The following TMEM175 variants were observed in gnomAD, a reference collection of about 807,000 sequenced individuals.
TMEM175 encodes the protein endosomal/lysosomal proton channel TMEM175.
A neutral mutation model predicts 36.5 loss-of-function variants in TMEM175; 36 were observed. That is an observed-to-expected ratio of 0.99 (90% CI 0.76 to 1.30). The LOEUF (loss-of-function observed/expected upper bound fraction) is 1.30. TMEM175 is among the 50% of genes most tolerant of loss of function. The pLI, the probability that TMEM175 is intolerant of heterozygous loss-of-function variation, is 0.00. For missense variants in TMEM175, 705 were observed against 692.8 expected, an observed-to-expected ratio of 1.02 and a Z score of -0.20; for synonymous variants, 339 against 313.4, an observed-to-expected ratio of 1.08 and a Z score of -0.86.
intron 1 of TMEM175, among the ~76,000 whole-genome samples, chr4:934,822 C>T (rs1020590298): frequency 1.3e-5 from 2 of 152,146 alleles, no homozygotes; most frequent in African/African-American, 4.8e-5. Flanking sequence ...AGGGGAATGA[C>T]ATCAAGAGCA....
At chr4:943,736 G>T (rs1727799818) in intron 1 of TMEM175, among the ~76,000 whole-genome samples, 1 of 152,178 alleles carries the variant, frequency 6.6e-6, no homozygotes, top group Non-Finnish European at 1.5e-5. Flanking sequence ...TTACCCAAAA[G>T]TCATGAAAAC....
chr4:950,357 C>T, intron 3 of TMEM175, 64 bp from the exon 4 acceptor site: 3 of 1,351,482 alleles, frequency 2.2e-6, no homozygotes, highest in Non-Finnish European at 3.2e-6. Context: ...ACGGTGCTGT[C>T]TCGACTGCCA....
In TMEM175 at chr4:947,688, C is replaced by G. The variant is rs1577412781; in HGVS notation, c.-31-21C>G. 7.0e-6 allele frequency: 11 copies of G among 1,560,782 alleles called. No individual in the cohort carries two copies. In the East Asian group the frequency reaches 2.5e-4, roughly 35 times the overall value. On this transcript the variant is annotated intron_variant, in intron 1 of 10. Coordinates refer to ENST00000264771, the MANE Select transcript of TMEM175 (RefSeq NM_032326.4). ...TCCAGGAGCGCCCCACAGGCACACT[C>G]AGACCTGCCTTTCCTCCCAGGCTCC...
At chr4:955,005 C>T (rs551165807) in intron 8 of TMEM175, among the ~76,000 whole-genome samples, 93 of 152,216 alleles carry the variant, frequency 6.1e-4, no homozygotes, top group African/African-American at 2.1e-3. Flanking sequence ...TTTTAAGACA[C>T]GGTCTTGCTC....
At chr4:954,788 C>G (rs1729404765) in intron 8 of TMEM175, among the ~76,000 whole-genome samples, 4 of 152,340 alleles carry the variant, frequency 2.6e-5, no homozygotes, top group African/African-American at 9.6e-5. Context: ...TCCAGTTTGT[C>G]CACATCCTCA....
chr4:951,081 T>C (rs961144409), intron 4 of TMEM175, 126 bp from the exon 5 acceptor site: 97 of 966,470 alleles, frequency 1.0e-4, no homozygotes, highest in African/African-American at 6.2e-4. Flanking sequence ...TAGGTAGTAG[T>C]TTATATTTGG....
intron 1 of TMEM175, among the ~76,000 whole-genome samples, chr4:935,167 T>C (rs755021244): frequency 6.6e-6 from 1 of 152,206 alleles, no homozygotes; most frequent in Non-Finnish European, 1.5e-5. Context: ...TTCTAAACCT[T>C]GTAATCACTT....
At chr4:952,876 C>G (rs1332573673) in intron 7 of TMEM175, among the ~76,000 whole-genome samples, 1 of 152,020 alleles carries the variant, frequency 6.6e-6, no homozygotes, top group Non-Finnish European at 1.5e-5. Flanking sequence ...TGCCCAGAGT[C>G]CCCGCTTTCT....
At position 932,474 on chromosome 4, in the gene TMEM175, C is replaced by T; in HGVS notation, c.-98C>T. ...GGGCTTGCGATGAACTTCCGGCTGT[C>T]AAGCTCCCGGCCGGGCTGACTCAAG... On this transcript the variant is annotated 5_prime_UTR_variant, in exon 1 of 11. Transcript: ENST00000264771. This position sits in a 1 kb window ranked among gnomAD's most constrained non-coding sequence, Gnocchi z 4.0. 1 of 491,836 alleles carries T rather than the reference C, an allele frequency of 2.0e-6. No homozygotes were observed. Among genetic ancestry groups the T allele is most frequent in the Non-Finnish European group, 3.4e-6 (1 of 291,196 alleles). 30.5% of individuals were successfully genotyped at this position (491,836 alleles called of 1,614,324 possible).
At position 955,698 on chromosome 4, in the gene TMEM175, G is replaced by A. The variant is rs1003056681; in HGVS notation, c.707-57G>A. 9.4e-6 allele frequency: 15 copies of A among 1,588,788 alleles called. No homozygotes were observed. The East Asian group carries it at 1.4e-4, about 14-fold the overall frequency. On this transcript the variant is annotated intron_variant, in intron 9 of 10. Transcript: ENST00000264771. ...TGGATGAGGGCGGTGACAGCCACGC[G>A]GGCTCTACCTCCACATGGGGGGTTT...
chr4:950,684 A>AGTGTGGATGGTGCAGTAGGCGGAG (rs1403010129), intron 4 of TMEM175, among the ~76,000 whole-genome samples, 166 bp downstream of exon 4: 7,192 of 139,566 alleles, frequency 0.052, 377 homozygotes, highest in East Asian at 0.16. Context: ...GGCCTGGGAC[A>AGTGTGGATGGTGCAGTAGGCGGAG]GTGTGGATGG....
intron 10 of TMEM175, chr4:956,244 C>A: frequency 7.8e-6 from 9 of 1,147,052 alleles, no homozygotes; most frequent in Non-Finnish European, 9.0e-6. Flanking sequence ...CCTGCCCCAA[C>A]ACCAGCCCCT....
chr4:939,441 C>T (rs780394409), intron 1 of TMEM175, among the ~76,000 whole-genome samples: 9 of 149,398 alleles, frequency 6.0e-5, no homozygotes, highest in African/African-American at 1.2e-4. Context: ...ATTAGCTGAG[C>T]GCAATGGCTC....
Position 947,709 on chromosome 4 carries a change from G to C in TMEM175, c.-31G>C, listed in dbSNP as rs760881093. ...CACTCAGACCTGCCTTTCCTCCCAG[G>C]CTCCTGTAACCGCCAGGCAGCGGCC... On this transcript the variant is annotated splice_region_variant and 5_prime_UTR_variant, in exon 2 of 11. Transcript: ENST00000264771. 6.3e-6 allele frequency: 10 copies of C among 1,575,516 alleles called. No homozygotes were observed. In the South Asian group the frequency reaches 9.4e-5, roughly 15 times the overall value.
At chr4:933,266 G>A (rs1726287454) in intron 1 of TMEM175, among the ~76,000 whole-genome samples, 3 of 152,092 alleles carry the variant, frequency 2.0e-5, no homozygotes, top group Non-Finnish European at 4.4e-5. Context: ...CAGTGCTTTG[G>A]GAGGCCGAGG....
chr4:942,779 A>G (rs10016294), intron 1 of TMEM175, among the ~76,000 whole-genome samples: 54,967 of 151,838 alleles, frequency 0.36, 10,163 homozygotes, highest in African/African-American at 0.4. Flanking sequence ...AGCTGGGACT[A>G]CAGGCGCACA....
At position 952,442 on chromosome 4, in the gene TMEM175, G is replaced by T; in HGVS notation, c.454G>T (p.Val152Phe). The change falls in exon 7 of 11, where the codon GTC becomes TTC. Residue 152 changes from valine (V) to phenylalanine (F), a missense_variant. Val to Phe is a conservative substitution (Grantham distance 50). Coordinates refer to ENST00000264771, the MANE Select transcript of TMEM175 (RefSeq NM_032326.4). Reference protein sequence around the residue: ...LFCVCVIAIGVVQALIVGYAF... With the variant: ...LFCVCVIAIGFVQALIVGYAF... ...CTGTGTGTGTGTGATCGCCATTGGG[G>T]TCGTGCAGGTAGGGGGCCTGGGGGG... is the stretch of plus-strand genomic sequence containing the variant. 1 of 1,586,986 alleles carries T rather than the reference G, an allele frequency of 6.3e-7. No individual in the cohort carries two copies. Among genetic ancestry groups the T allele is most frequent in the Non-Finnish European group, 8.6e-7 (1 of 1,168,256 alleles).
In TMEM175 at chr4:952,361, T is replaced by C. The variant is rs1729000195; in HGVS notation, c.379-6T>C. On this transcript the variant is annotated splice_region_variant and splice_polypyrimidine_tract_variant and intron_variant, in intron 6 of 10. Transcript: ENST00000264771. ...GGGGGGTTTGGTTTTGTTTTTGTTTTAACAGTTTTCGTTAATGGTGACCTT... is the reference window on the plus strand; with the variant it reads ...GGGGGGTTTGGTTTTGTTTTTGTTTCAACAGTTTTCGTTAATGGTGACCTT... 1 of 1,611,478 alleles carries C rather than the reference T, an allele frequency of 6.2e-7. No individual in the cohort carries two copies. Among genetic ancestry groups the C allele is most frequent in the East Asian group, 2.2e-5 (1 of 44,872 alleles).
At chr4:934,132 C>T (rs1487813044) in intron 1 of TMEM175, among the ~76,000 whole-genome samples, 3 of 152,178 alleles carry the variant, frequency 2.0e-5, no homozygotes, top group Admixed American at 6.5e-5. Context: ...TTTGTCTGGT[C>T]GACTGTGGAA....
Sources: gnomAD v4.1 joint callset for allele counts (sites outside exome capture counted in the v4.1 genomes callset) on GRCh38, gnomAD v4.1.1 for gene constraint, Gnocchi (gnomAD v3.1) non-coding constraint, MANE v1.5 for transcripts, NCBI Gene and HGNC (gene_info 2026-07-23, HGNC 2026-07-21) for gene names.